Variants in RAB27B observed in about 807,000 individuals in gnomAD.
The protein encoded by RAB27B is ras-related protein Rab-27B.
Under a neutral mutation model 24.6 loss-of-function variants are expected in RAB27B, and 15 were observed. The observed-to-expected ratio is 0.61, with a 90% confidence interval of 0.41 to 0.94. The LOEUF (loss-of-function observed/expected upper bound fraction) is 0.94. Ranked by LOEUF, RAB27B falls within the 40% of genes least tolerant of loss-of-function variation. The pLI is 0.00. For synonymous variants in RAB27B, 105 were observed against 92.5 expected (o/e 1.14, Z -0.78); for missense variants, 261 against 266.8 (o/e 0.98, Z 0.15).
At chr18:54,743,889 G>A (rs779276089) in intron 2 of RAB27B, among the ~76,000 whole-genome samples, 14 of 152,162 alleles carry the variant, frequency 9.2e-5, no homozygotes, top group East Asian at 1.9e-4. Context: ...GAAATCGACC[G>A]TAAGGGAGGT....
At chr18:54,760,566 A>G (rs935007762) in intron 2 of RAB27B, among the ~76,000 whole-genome samples, 1 of 152,228 alleles carries the variant, frequency 6.6e-6, no homozygotes, top group African/African-American at 2.4e-5. Flanking sequence ...GCAGGAGGCC[A>G]TTGCTTTAGT....
chr18:54,745,073 G>A lies in RAB27B; in HGVS notation c.-20+26932G>A, dbSNP rs144788271. 3.5e-5 allele frequency: 6 copies of A among 172,410 alleles called. No homozygotes were observed. The East Asian group carries it at 5.3e-4, about 15-fold the overall frequency. 10.7% of individuals were successfully genotyped at this position (172,410 alleles called of 1,614,324 possible). A position where few individuals can be genotyped will look rare whatever the true frequency, so the allele number is the denominator to read the frequency against. On this transcript the variant is annotated intron_variant, in intron 2 of 4. Coordinates refer to the RAB27B transcript ENST00000586570. ...GCCACTTTGCTCCTGGAACCTTCCCGCACCAGATCCAGGCAGCCTTCCAGG... is the reference window on the plus strand; with the variant it reads ...GCCACTTTGCTCCTGGAACCTTCCCACACCAGATCCAGGCAGCCTTCCAGG...
chr18:54,801,107 G>A (rs138327223), intron 2 of RAB27B, among the ~76,000 whole-genome samples: 43 of 147,670 alleles, frequency 2.9e-4, no homozygotes, highest in African/African-American at 1.1e-3. Flanking sequence ...CCGTCTCCTG[G>A]CTTCAAGCAA....
intron 2 of RAB27B, among the ~76,000 whole-genome samples, chr18:54,735,415 A>T (rs1909858009): frequency 6.6e-6 from 1 of 152,198 alleles, no homozygotes; most frequent in African/African-American, 2.4e-5. Flanking sequence ...ACAGAAATTT[A>T]TCTGGGACAG....
At chr18:54,879,323 G>C (rs755320953) in intron 2 of RAB27B, 46 bp from the exon 3 acceptor site, 1 of 1,483,282 alleles carries the variant, frequency 6.7e-7, no homozygotes, top group Non-Finnish European at 9.4e-7. Flanking sequence ...TTTGAGTGCT[G>C]ACAAAATCCA....
intron 1 of RAB27B, among the ~76,000 whole-genome samples, chr18:54,863,606 A>G (rs761082187): frequency 6.6e-6 from 1 of 152,162 alleles, no homozygotes; most frequent in Non-Finnish European, 1.5e-5. Context: ...CACCATTACT[A>G]TTTAAATCCA....
Position 54,870,199 on chromosome 18 carries a change from A to G in RAB27B, c.-19-7368A>G, listed in dbSNP as rs79220126. Among the ~76,000 whole-genome samples the G allele has an allele frequency of 2.2e-3, 333 of 152,324 alleles. 3 individuals are homozygous for G. The highest frequency in any genetic ancestry group is 7.8e-3 in the African/African-American group (325 of 41,594). ...TATGAATACCAATTTTTAAAATTAG[A>G]TAAAATATAAGAAACAGAACCCAAC... On this transcript the variant is annotated intron_variant, in intron 1 of 5. Coordinates refer to ENST00000262094, the MANE Select transcript of RAB27B (RefSeq NM_004163.4).
chr18:54,850,282 A>G (rs1328351937), intron 1 of RAB27B, among the ~76,000 whole-genome samples: 3 of 142,698 alleles, frequency 2.1e-5, no homozygotes, highest in Non-Finnish European at 4.5e-5. Context: ...GAACACAAGC[A>G]TTACACAAAG....
chr18:54,800,759 A>G (rs1383865678), intron 2 of RAB27B, among the ~76,000 whole-genome samples: 1 of 152,020 alleles, frequency 6.6e-6, no homozygotes, highest in African/African-American at 2.4e-5. Flanking sequence ...TCTTGTTTAT[A>G]CTAACTTTTT....
At chr18:54,840,963 A>G (rs953405224) in intron 1 of RAB27B, among the ~76,000 whole-genome samples, 4 of 152,002 alleles carry the variant, frequency 2.6e-5, no homozygotes, top group Non-Finnish European at 4.4e-5. Context: ...CCTGGCCAAC[A>G]TGGTGAAACC....
intron 2 of RAB27B, among the ~76,000 whole-genome samples, chr18:54,747,744 T>C (rs1290142015): frequency 2.0e-5 from 3 of 152,188 alleles, no homozygotes; most frequent in Non-Finnish European, 4.4e-5. Context: ...AGTTATTAAA[T>C]TGTGTAATTA....
intron 2 of RAB27B, among the ~76,000 whole-genome samples, chr18:54,727,582 G>A (rs1258021474): frequency 2.6e-5 from 4 of 152,120 alleles, no homozygotes; most frequent in Non-Finnish European, 5.9e-5. Context: ...TTGTGTAAAG[G>A]ATTTGTTAGA....
chr18:54,833,497 G>A (rs915676004), intron 1 of RAB27B, among the ~76,000 whole-genome samples: 2 of 152,074 alleles, frequency 1.3e-5, no homozygotes, highest in East Asian at 3.9e-4. Flanking sequence ...AAAGTGCTGG[G>A]ATTACAGGTG....
intron 2 of RAB27B, among the ~76,000 whole-genome samples, chr18:54,787,636 G>A (rs538249501): frequency 6.6e-6 from 1 of 151,780 alleles, no homozygotes; most frequent in African/African-American, 2.4e-5. Context: ...CTAAGTAATA[G>A]CAGTAATGGC....
At chr18:54,718,132 G>A (rs766171584) in exon 2 of RAB27B, 1 of 152,188 alleles carries the variant, frequency 6.6e-6, no homozygotes, top group East Asian at 1.9e-4. Context: ...ATCTGGAGGC[G>A]TTTGGAGGTG....
chr18:54,798,020 T>G (rs1193493756), intron 2 of RAB27B, among the ~76,000 whole-genome samples: 1 of 152,224 alleles, frequency 6.6e-6, no homozygotes, highest in Non-Finnish European at 1.5e-5. Context: ...ATTGATATTT[T>G]TTTTTCAAAA....
intron 2 of RAB27B, among the ~76,000 whole-genome samples, chr18:54,780,913 C>T (rs1187349372): frequency 3.3e-5 from 5 of 152,330 alleles, no homozygotes; most frequent in African/African-American, 1.2e-4. Flanking sequence ...TATAGGCTAA[C>T]AGCTCATTAG....
chr18:54,848,906 C>CA (rs1911445226), intron 1 of RAB27B, among the ~76,000 whole-genome samples: 1 of 151,642 alleles, frequency 6.6e-6, no homozygotes, highest in South Asian at 2.1e-4. Flanking sequence ...TTTGTTCTTT[C>CA]AAAAAAAGTA....
chr18:54,773,949 A>C (rs1908635574), intron 2 of RAB27B, among the ~76,000 whole-genome samples: 1 of 152,212 alleles, frequency 6.6e-6, no homozygotes, highest in African/African-American at 2.4e-5. Flanking sequence ...AAGTGCTAGG[A>C]TTACAGGCAT....
Sources: gnomAD v4.1 joint callset for allele counts (sites outside exome capture counted in the v4.1 genomes callset) on GRCh38, gnomAD v4.1.1 for gene constraint, MANE v1.5 for transcripts, NCBI Gene and HGNC (gene_info 2026-07-23, HGNC 2026-07-21) for gene names.